Variants in DNAH17 observed in about 807,000 individuals in gnomAD.
DNAH17 encodes the protein dynein axonemal heavy chain 17, also known as axonemal beta dynein heavy chain 17.
Under a neutral mutation model 485.6 loss-of-function variants are expected in DNAH17, and 376 were observed. That is an observed-to-expected ratio of 0.77 (90% CI 0.71 to 0.84). The LOEUF (loss-of-function observed/expected upper bound fraction) is 0.84. Among genes scored for constraint, DNAH17 ranks in the 40% least tolerant of loss-of-function variants. DNAH17 has a pLI of 0.00. For synonymous variants in DNAH17, 3,031 were observed against 2,405.9 expected, an observed-to-expected ratio of 1.26 and a Z score of -7.60; for missense variants, 6,370 against 5,839.3, an observed-to-expected ratio of 1.09 and a Z score of -2.96.
Position 78,494,746 on chromosome 17 carries a change from G to A in DNAH17, c.6117C>T (p.Pro2039=), listed in dbSNP as rs1010779338. Residue 2039 remains proline (P), a synonymous_variant, in exon 40 of 81, where the codon CCC becomes CCT. Transcript: ENST00000389840. ...VVAGSLKRGD[P]SRAEDQVLMR... is the part of the protein sequence containing the mutation. Reference sequence around the variant, plus strand: ...TGAGCACCTGGTCCTCTGCCCGGCTGGGGTCGCCCCTCTTCAGGGAGCCGG... The same window carrying A: ...TGAGCACCTGGTCCTCTGCCCGGCTAGGGTCGCCCCTCTTCAGGGAGCCGG... The A allele has an allele frequency of 3.1e-6, 5 of 1,613,606 alleles. No individual in the cohort carries two copies. Among genetic ancestry groups the A allele is most frequent in the Non-Finnish European group, 4.2e-6 (5 of 1,179,878 alleles).
At chr17:78,504,524 C>T (rs1382341919) in intron 31 of DNAH17, among the ~76,000 whole-genome samples, 1 of 143,908 alleles carries the variant, frequency 6.9e-6, no homozygotes, top group Non-Finnish European at 1.5e-5. Context: ...CACGTGTGTG[C>T]TGTGTTCAAC....
Position 78,543,308 on chromosome 17 carries a change from G to A in DNAH17, c.2532+549C>T, listed in dbSNP as rs147069350. Among the ~76,000 whole-genome samples the A allele has an allele frequency of 6.4e-3, 944 of 146,662 alleles. 26 individuals are homozygous for A. In the East Asian group the frequency reaches 0.071, roughly 11 times the overall value. On this transcript the variant is annotated intron_variant, in intron 17 of 80. Transcript: ENST00000389840. ...TTTTGTTTTTTTTTTTTTTGAGACG[G>A]AGTCTCGCTCTGTCGCCCAAGCCGG...
chr17:78,514,839 C>T lies in DNAH17; in HGVS notation c.4048G>A (p.Val1350Met), dbSNP rs373436522. ...VKNVITSLRA[V>M]SELQNPAIRE... is the part of the protein sequence containing the mutation. The stretch of plus-strand genomic sequence containing the variant: ...ATGGCAGGGTTCTGCAGCTCGCTCA[C>T]GGCACGCAGGGACGTGATCACGTTT... Residue 1350 changes from valine to methionine, a missense_variant, in exon 26 of 81, where the codon GTG becomes ATG. Val to Met is a conservative substitution (Grantham distance 21). Transcript: ENST00000389840. 2.9e-5 allele frequency: 47 copies of T among 1,613,906 alleles called. No individual in the cohort carries two copies. Among genetic ancestry groups the T allele is most frequent in the Admixed American group, 5.0e-5 (3 of 60,010 alleles).
chr17:78,449,833 C>T, intron 68 of DNAH17: 1 of 485,924 alleles, frequency 2.1e-6, no homozygotes, highest in Admixed American at 3.3e-5. Context: ...ACCACCACAC[C>T]TGGCTAATTT....
Position 78,543,841 on chromosome 17 carries a change from C to G in DNAH17, c.2532+16G>C. ...AGCAAGTGGGTTCTCAAAAAACCTCCTGGGTGTTTCCTTACTGCAACCATG... is the reference window on the plus strand; with the variant it reads ...AGCAAGTGGGTTCTCAAAAAACCTCGTGGGTGTTTCCTTACTGCAACCATG... On this transcript the variant is annotated intron_variant, in intron 17 of 80. Coordinates refer to ENST00000389840, the MANE Select transcript of DNAH17 (RefSeq NM_173628.4). 1 of 1,613,972 alleles carries G rather than the reference C, an allele frequency of 6.2e-7. No homozygotes were observed. The highest frequency in any genetic ancestry group is 8.5e-7 in the Non-Finnish European group (1 of 1,179,886).
In DNAH17 at chr17:78,558,165, G is replaced by A. The variant is rs201170230; in HGVS notation, c.2121C>T (p.Asn707=). Residue 707 remains asparagine (N), a synonymous_variant, in exon 14 of 81, where the codon AAC becomes AAT. Coordinates refer to ENST00000389840, the MANE Select transcript of DNAH17 (RefSeq NM_173628.4). The stretch of plus-strand genomic sequence containing the variant: ...TGCCCACAAACTTCCGGAAAGTTTC[G>A]TTCTCTGAGAACAGACTCTCCGCAC... The part of the protein sequence containing the change: ...PDSAESLFSE[N]ETFRKFVGNL... The A allele has an allele frequency of 2.2e-5, 35 of 1,613,610 alleles. No individual in the cohort carries two copies. Among genetic ancestry groups the A allele is most frequent in the Middle Eastern group, 3.3e-4 (2 of 6,084 alleles).
At chr17:78,501,086 C>G in intron 35 of DNAH17, 98 bp downstream of exon 35, 3 of 1,394,232 alleles carry the variant, frequency 2.2e-6, no homozygotes. Flanking sequence ...CCCAGTCCTT[C>G]CAGCCTCCAC....
intron 13 of DNAH17, 55 bp from the exon 14 acceptor site, chr17:78,558,309 G>C: frequency 2.5e-6 from 4 of 1,589,208 alleles, no homozygotes; most frequent in Non-Finnish European, 3.4e-6. Flanking sequence ...CAACAGTGCA[G>C]TGTTCAAGCA....
At chr17:78,482,965 G>A (rs9899612) in intron 48 of DNAH17, among the ~76,000 whole-genome samples, 22,219 of 152,198 alleles carry the variant, frequency 0.15, 1,826 homozygotes, top group African/African-American at 0.22. Context: ...ACATGACCGT[G>A]TGCAACCCTT....
At chr17:78,576,679 C>T (rs2092437200) in intron 1 of DNAH17, among the ~76,000 whole-genome samples, 1 of 152,184 alleles carries the variant, frequency 6.6e-6, no homozygotes, top group Non-Finnish European at 1.5e-5. Flanking sequence ...TCTCGCCAAG[C>T]TGGTCAGGCG....
intron 58 of DNAH17, among the ~76,000 whole-genome samples, chr17:78,460,473 C>T (rs374814028): frequency 1.3e-4 from 20 of 152,354 alleles, no homozygotes; most frequent in African/African-American, 4.8e-4. Context: ...TGGTGAGGGG[C>T]GGCCCAGGCC....
At chr17:78,561,639 G>C (rs983398530) in intron 12 of DNAH17, 76 bp downstream of exon 12, 11 of 1,464,630 alleles carry the variant, frequency 7.5e-6, no homozygotes, top group Middle Eastern at 2.2e-4. Flanking sequence ...GGTCCCGCTC[G>C]GGGTTGGGAC....
In DNAH17 at chr17:78,437,701, G is replaced by A. The variant is rs559659456; in HGVS notation, c.11973C>T (p.Thr3991=). ...QGILENAIKI[T]NEPPTGMHAN... ...CGTGCATGCCCGTGGGGGGCTCGTT[G>A]GTGATCTTGATGGCGTTCTCCAGAA... Residue 3991 remains threonine (T), a synonymous_variant, in exon 74 of 81, where the codon ACC becomes ACT. Coordinates refer to ENST00000389840, the MANE Select transcript of DNAH17 (RefSeq NM_173628.4). 2 of 1,612,490 alleles carry A rather than the reference G, an allele frequency of 1.2e-6. No individual in the cohort carries two copies. Among genetic ancestry groups the A allele is most frequent in the East Asian group, 2.2e-5 (1 of 44,870 alleles).
intron 70 of DNAH17, 40 bp downstream of exon 70, chr17:78,445,518 C>T (rs989446257): frequency 1.1e-5 from 17 of 1,549,268 alleles, no homozygotes; most frequent in Admixed American, 1.9e-5. Flanking sequence ...GGCTCCACGG[C>T]GGGGAGAAAG....
intron 25 of DNAH17, among the ~76,000 whole-genome samples, chr17:78,521,166 G>A (rs1367186919): frequency 6.6e-6 from 1 of 152,228 alleles, no homozygotes; most frequent in Non-Finnish European, 1.5e-5. Context: ...AGTACTTTGG[G>A]AGGCTGAGGC....
intron 46 of DNAH17, 38 bp from the exon 47 acceptor site, chr17:78,485,795 T>C (rs905149685): frequency 6.2e-7 from 1 of 1,601,182 alleles, no homozygotes; most frequent in African/African-American, 1.4e-5. Context: ...GCTGTGATTC[T>C]CAGACACTTC....
Position 78,467,353 on chromosome 17 carries a change from G to T in DNAH17, c.8779-537C>A, listed in dbSNP as rs188738131. Among the ~76,000 whole-genome samples, 38 of 152,294 alleles carry T rather than the reference G, an allele frequency of 2.5e-4. 1 individual carries two copies. The highest frequency in any genetic ancestry group is 8.2e-4 in the African/African-American group (34 of 41,564). The stretch of plus-strand genomic sequence containing the variant: ...TCTCTAGTCCCCTTTCGTGGCATAG[G>T]TGTTGCACGGACGCTGCCATTGAAT... On this transcript the variant is annotated intron_variant, in intron 55 of 80. Transcript: ENST00000389840.
At chr17:78,554,832 C>T (rs568675742) in intron 14 of DNAH17, among the ~76,000 whole-genome samples, 9 of 152,296 alleles carry the variant, frequency 5.9e-5, no homozygotes, top group Non-Finnish European at 1.2e-4. Context: ...CTGCAACCTC[C>T]GCCTGCCAGG....
intron 74 of DNAH17, 43 bp downstream of exon 74, chr17:78,437,598 G>C: frequency 1.3e-6 from 2 of 1,503,948 alleles, no homozygotes; most frequent in Non-Finnish European, 1.8e-6. Flanking sequence ...ATGCCAGGCC[G>C]TGGCATGGGA....
Sources: gnomAD v4.1 joint callset for allele counts (sites outside exome capture counted in the v4.1 genomes callset) on GRCh38, gnomAD v4.1.1 for gene constraint, MANE v1.5 for transcripts, NCBI Gene and HGNC (gene_info 2026-07-23, HGNC 2026-07-21) for gene names.